The following KLHL13 variants were observed in gnomAD, a reference collection of about 807,000 sequenced individuals.
The protein encoded by KLHL13 is kelch like family member 13, also known as kelch-like protein 13.
Under a neutral mutation model 37.1 loss-of-function variants are expected in KLHL13, and 10 were observed. The observed-to-expected ratio is 0.27, with a 90% CI of 0.17 to 0.46. The LOEUF is 0.46. Ranked by LOEUF, KLHL13 falls within the 20% of genes least tolerant of loss-of-function variation. KLHL13 has a pLI of 1.00. For missense variants in KLHL13, 360 were observed against 509.3 expected (o/e 0.71, Z 2.82); for synonymous variants, 163 against 181.2 (o/e 0.90, Z 0.81).
intron 1 of KLHL13, among the ~76,000 whole-genome samples, chrX:118,026,859 G>T: frequency 8.9e-6 from 1 of 111,801 alleles, no homozygotes; most frequent in Non-Finnish European, 1.9e-5. Context: ...TAGATCAGCT[G>T]CAGACAAGAA....
intron 1 of KLHL13, among the ~76,000 whole-genome samples, chrX:117,961,184 C>A (rs151210855): frequency 2.4e-3 from 272 of 111,620 alleles, no homozygotes; most frequent in Middle Eastern, 4.7e-3. Flanking sequence ...CAACACAACC[C>A]CAGATTATAG....
chrX:117,937,729 T>C (rs6645424), intron 2 of KLHL13, among the ~76,000 whole-genome samples: 10,242 of 111,662 alleles, frequency 0.092, 440 homozygotes, highest in African/African-American at 0.16. Context: ...ACATTTTTAA[T>C]AGCTTTATTG....
At chrX:117,943,002 C>G (rs1431643644) in intron 2 of KLHL13, among the ~76,000 whole-genome samples, 2 of 111,163 alleles carry the variant, frequency 1.8e-5, no homozygotes, top group Non-Finnish European at 3.8e-5. Flanking sequence ...CCTTCAGGAG[C>G]TCTTATAAGG....
At chrX:118,029,794 C>A (rs1030938144) in intron 1 of KLHL13, among the ~76,000 whole-genome samples, 5 of 110,186 alleles carry the variant, frequency 4.5e-5, no homozygotes, top group African/African-American at 1.7e-4. Flanking sequence ...TATGACAACA[C>A]CCCGTCTCTA....
At chrX:118,078,158 C>T (rs1224821621) in intron 1 of KLHL13, among the ~76,000 whole-genome samples, 1 of 111,556 alleles carries the variant, frequency 9.0e-6, no homozygotes, top group Non-Finnish European at 1.9e-5. Context: ...TTTAGCGTCA[C>T]CTGTAGCAGT....
chrX:117,943,988 T>G (rs1440352941), intron 2 of KLHL13, among the ~76,000 whole-genome samples: 28 of 111,368 alleles, frequency 2.5e-4, no homozygotes, highest in Non-Finnish European at 2.3e-4. Flanking sequence ...GTCTTTAATG[T>G]TGGTGACCTT....
At chrX:117,916,888 T>A (rs995615766) in intron 4 of KLHL13, among the ~76,000 whole-genome samples, 1 of 112,120 alleles carries the variant, frequency 8.9e-6, no homozygotes, top group African/African-American at 3.2e-5. Flanking sequence ...CATGAGAACA[T>A]TATATTAAAA....
intron 1 of KLHL13, among the ~76,000 whole-genome samples, chrX:118,069,778 A>C (rs1428508153): frequency 8.9e-6 from 1 of 111,789 alleles, no homozygotes; most frequent in Non-Finnish European, 1.9e-5. Flanking sequence ...ACCAAAGAAA[A>C]AATATTTTTT....
At chrX:118,108,558 T>A (rs1336409682) in intron 1 of KLHL13, among the ~76,000 whole-genome samples, 1 of 112,550 alleles carries the variant, frequency 8.9e-6, no homozygotes, top group East Asian at 2.8e-4. Flanking sequence ...AAACCTTTTA[T>A]CAACCTCAAA....
intron 1 of KLHL13, among the ~76,000 whole-genome samples, chrX:118,046,685 C>G (rs2054563999): frequency 9.0e-6 from 1 of 110,907 alleles, no homozygotes; most frequent in Non-Finnish European, 1.9e-5. Flanking sequence ...TATGTGCCCA[C>G]AAAAATTATA....
At chrX:117,962,113 A>C (rs2053309831) in intron 1 of KLHL13, among the ~76,000 whole-genome samples, 1 of 105,758 alleles carries the variant, frequency 9.5e-6, no homozygotes. Context: ...GAGGAGGCTG[A>C]GGCAGGAGGA....
chrX:118,018,415 GAACA>G (rs1408709317), intron 1 of KLHL13, among the ~76,000 whole-genome samples: 1 of 111,639 alleles, frequency 9.0e-6, no homozygotes, highest in East Asian at 2.8e-4. Context: ...ATCATAAACA[GAACA>G]AATATAGATT....
rs12853167 is a variant in KLHL13 at position 117,935,367 on chromosome X, C to T, written c.240+10067G>A. 7.1e-3 allele frequency among the ~76,000 whole-genome samples: 793 copies of T among 112,389 alleles called. 11 individuals are homozygous for T. The highest frequency in any genetic ancestry group is 0.024 in the African/African-American group (750 of 31,005). On this transcript the variant is annotated intron_variant, in intron 2 of 6. Coordinates refer to ENST00000262820, the Ensembl canonical transcript of KLHL13. ...AATAGAAACTAGTCACAAAAGACCA[C>T]ATATTGTATGATTCCATTTATATGA...
In KLHL13 at chrX:118,098,074, C is replaced by T. The variant is rs1371189046; in HGVS notation, c.-56+18434G>A. On this transcript the variant is annotated intron_variant, in intron 1 of 6. Transcript: ENST00000371882. The stretch of plus-strand genomic sequence containing the variant: ...CAATGGCAACAAAAACCAAAATTGA[C>T]AAATGGGATCTAATGAAACTCAAGA... Among the ~76,000 whole-genome samples the T allele has an allele frequency of 3.6e-5, 4 of 111,913 alleles. No individual in the cohort carries two copies. The South Asian group carries it at 1.5e-3, about 42-fold the overall frequency.
chrX:118,032,396 G>C (rs1394587535), intron 1 of KLHL13, among the ~76,000 whole-genome samples: 1 of 111,848 alleles, frequency 8.9e-6, no homozygotes. Flanking sequence ...GGAGATCTGA[G>C]AACGGGCAGA....
intron 1 of KLHL13, among the ~76,000 whole-genome samples, chrX:118,083,569 A>C (rs1293668134): frequency 1.8e-5 from 2 of 111,677 alleles, no homozygotes; most frequent in African/African-American, 6.5e-5. Context: ...TGGTTATCAG[A>C]GGCTGGGCGA....
intron 1 of KLHL13, among the ~76,000 whole-genome samples, chrX:118,020,798 A>G (rs187237133): frequency 0.012 from 1,291 of 110,263 alleles, 20 homozygotes; most frequent in African/African-American, 0.04. Context: ...TACACCATGG[A>G]ATACTATGCA....
intron 2 of KLHL13, among the ~76,000 whole-genome samples, chrX:117,931,656 A>G (rs1040347756): frequency 1.8e-5 from 2 of 112,253 alleles, no homozygotes; most frequent in African/African-American, 6.5e-5. Flanking sequence ...AATGAACACA[A>G]TATTTATAGA....
At chrX:118,092,302 G>T (rs1602716822) in intron 1 of KLHL13, among the ~76,000 whole-genome samples, 1 of 111,695 alleles carries the variant, frequency 9.0e-6, no homozygotes, top group East Asian at 2.8e-4. Flanking sequence ...AATTTTTAAA[G>T]CAGTGAAAGA....
Sources: allele counts gnomAD v4.1 joint callset (sites outside exome capture counted in the v4.1 genomes callset), GRCh38; gene constraint gnomAD v4.1.1; transcripts MANE v1.5; gene names NCBI Gene and HGNC (gene_info 2026-07-23, HGNC 2026-07-21).